Variants in SPOCK1 observed in about 807,000 individuals in gnomAD.
The protein encoded by SPOCK1 is testican-1.
SPOCK1 carries 23 observed loss-of-function variants against 55.3 expected under a neutral mutation model. The observed-to-expected ratio is 0.42, with a 90% confidence interval of 0.30 to 0.59. The LOEUF (loss-of-function observed/expected upper bound fraction) is 0.59, where lower values mean the gene tolerates loss of function less well. Ranked by LOEUF, SPOCK1 falls within the 20% of genes least tolerant of loss-of-function variation. The pLI is 0.22. For missense variants in SPOCK1, 499 were observed against 552.5 expected (o/e 0.90, Z 0.97); for synonymous variants, 226 against 221.0 (o/e 1.02, Z -0.20).
intron 3 of SPOCK1, among the ~76,000 whole-genome samples, chr5:137,213,198 C>G (rs1250407335): frequency 6.6e-6 from 1 of 152,152 alleles, no homozygotes; most frequent in African/African-American, 2.4e-5. Flanking sequence ...CATATCTACC[C>G]TTTACTGAGC....
intron 3 of SPOCK1, among the ~76,000 whole-genome samples, chr5:137,166,384 A>C (rs1391106277): frequency 1.3e-5 from 2 of 152,110 alleles, no homozygotes; most frequent in Non-Finnish European, 1.5e-5. Context: ...GAGGGATTTC[A>C]TCAACACCAG....
At chr5:137,479,107 T>TGGTAAGCCTGGG in intron 2 of SPOCK1, among the ~76,000 whole-genome samples, 5 of 150,736 alleles carry the variant, frequency 3.3e-5, no homozygotes, top group African/African-American at 1.2e-4. Flanking sequence ...GTATACTAGA[T>TGGTAAGCCTGGG]AGGAGAACTG....
At chr5:137,344,602 G>A (rs1750513141) in intron 2 of SPOCK1, among the ~76,000 whole-genome samples, 1 of 152,232 alleles carries the variant, frequency 6.6e-6, no homozygotes, top group African/African-American at 2.4e-5. Flanking sequence ...GGTCAGGGAT[G>A]CTGTTAACCA....
intron 2 of SPOCK1, among the ~76,000 whole-genome samples, chr5:137,331,530 A>G (rs917113833): frequency 5.3e-5 from 8 of 152,242 alleles, no homozygotes; most frequent in African/African-American, 1.9e-4. Context: ...GTAGTTCTGC[A>G]GGCTGTATAA....
At chr5:137,183,165 T>C (rs988568222) in intron 3 of SPOCK1, among the ~76,000 whole-genome samples, 5 of 152,198 alleles carry the variant, frequency 3.3e-5, no homozygotes, top group Non-Finnish European at 7.3e-5. Context: ...CTTTATGGTA[T>C]ACTCACTATG....
intron 3 of SPOCK1, among the ~76,000 whole-genome samples, chr5:137,236,688 G>T (rs1190680311): frequency 1.3e-5 from 2 of 152,108 alleles, no homozygotes; most frequent in African/African-American, 4.8e-5. Context: ...GGGAGGGAAT[G>T]GTTTAGAATC....
chr5:137,163,142 TAAGA>T (rs1301226720), intron 3 of SPOCK1, among the ~76,000 whole-genome samples: 1 of 152,016 alleles, frequency 6.6e-6, no homozygotes, highest in East Asian at 1.9e-4. Flanking sequence ...TTAAATTAAT[TAAGA>T]GAGATGGGAA....
At chr5:137,062,595 C>T (rs760688576) in intron 6 of SPOCK1, among the ~76,000 whole-genome samples, 5 of 150,948 alleles carry the variant, frequency 3.3e-5, no homozygotes, top group African/African-American at 4.9e-5. Flanking sequence ...TGGTTTTCAC[C>T]GAGTACTGAA....
intron 3 of SPOCK1, among the ~76,000 whole-genome samples, chr5:137,162,946 C>T (rs1003024840): frequency 1.3e-5 from 2 of 152,236 alleles, no homozygotes; most frequent in Middle Eastern, 3.4e-3. Flanking sequence ...TTCCTTGTGA[C>T]GCTATTTGGG....
chr5:137,122,706 G>A (rs914406733), intron 4 of SPOCK1, among the ~76,000 whole-genome samples: 1 of 152,178 alleles, frequency 6.6e-6, no homozygotes, highest in Non-Finnish European at 1.5e-5. Context: ...TTCACAGGAG[G>A]GGCCAGAGCA....
chr5:137,171,618 T>C (rs1054607215), intron 3 of SPOCK1, among the ~76,000 whole-genome samples: 5 of 152,072 alleles, frequency 3.3e-5, no homozygotes, highest in Non-Finnish European at 7.4e-5. Flanking sequence ...CAGACCCAAG[T>C]AGTTGTTGGG....
rs147432584 is a variant in SPOCK1 at position 137,187,663 on chromosome 5, C to T, written c.233-46969G>A. Among the ~76,000 whole-genome samples the T allele has an allele frequency of 3.1e-3, 479 of 152,286 alleles. 4 individuals carry two copies. The highest frequency in any genetic ancestry group is 0.011 in the African/African-American group (442 of 41,556). ...ACTGTGCTGGGCACTATGGACACAACGGTACGCTCACTCTAGGCATGCTCC... is the reference window on the plus strand; with the variant it reads ...ACTGTGCTGGGCACTATGGACACAATGGTACGCTCACTCTAGGCATGCTCC... On this transcript the variant is annotated intron_variant, in intron 3 of 10. Transcript: ENST00000394945.
chr5:137,380,402 T>C (rs1195536006), intron 2 of SPOCK1, among the ~76,000 whole-genome samples: 2 of 152,180 alleles, frequency 1.3e-5, no homozygotes, highest in Non-Finnish European at 2.9e-5. Flanking sequence ...AATGTATGAG[T>C]GTGAGCTTCT....
intron 9 of SPOCK1, among the ~76,000 whole-genome samples, chr5:136,980,918 T>A (rs1750717701): frequency 6.6e-6 from 1 of 152,150 alleles, no homozygotes; most frequent in African/African-American, 2.4e-5. Context: ...AAAGTAGCAT[T>A]TTGATTAATT....
At chr5:137,434,737 G>A (rs1451394479) in intron 2 of SPOCK1, among the ~76,000 whole-genome samples, 3 of 151,780 alleles carry the variant, frequency 2.0e-5, no homozygotes, top group Middle Eastern at 3.4e-3. Flanking sequence ...TCCTGACCTC[G>A]TGATCTGCCC....
chr5:137,395,788 G>T (rs1259052575), intron 2 of SPOCK1, among the ~76,000 whole-genome samples: 2 of 152,156 alleles, frequency 1.3e-5, no homozygotes, highest in South Asian at 4.1e-4. Flanking sequence ...TAAGCTCAGC[G>T]GGCCAATCCA....
intron 2 of SPOCK1, among the ~76,000 whole-genome samples, chr5:137,295,762 T>C (rs942217308): frequency 3.9e-5 from 6 of 152,198 alleles, no homozygotes; most frequent in Non-Finnish European, 8.8e-5. Flanking sequence ...GGTTTCTGAT[T>C]TATGTGAATC....
At chr5:137,478,854 TA>T (rs1456056063) in intron 2 of SPOCK1, among the ~76,000 whole-genome samples, 1 of 151,910 alleles carries the variant, frequency 6.6e-6, no homozygotes, top group Non-Finnish European at 1.5e-5. Flanking sequence ...ATAAGGAAGA[TA>T]GGGGTAGGGG....
intron 3 of SPOCK1, among the ~76,000 whole-genome samples, chr5:137,201,851 C>T (rs1291053252): frequency 6.6e-6 from 1 of 152,186 alleles, no homozygotes; most frequent in African/African-American, 2.4e-5. Context: ...ACTAAAAATA[C>T]ACCCAGCTCT....
Sources: gnomAD v4.1 joint callset for allele counts (sites outside exome capture counted in the v4.1 genomes callset) on GRCh38, gnomAD v4.1.1 for gene constraint, MANE v1.5 for transcripts, NCBI Gene and HGNC (gene_info 2026-07-23, HGNC 2026-07-21) for gene names.